Variants in EFNA5 observed in about 807,000 individuals in gnomAD.
EFNA5 encodes the protein ephrin A5.
Under a neutral mutation model 22.9 loss-of-function variants are expected in EFNA5, and 5 were observed. That is an observed-to-expected ratio of 0.22 (90% CI 0.11 to 0.46). The LOEUF (loss-of-function observed/expected upper bound fraction) is 0.46, where lower values mean the gene tolerates loss of function less well. Ranked by LOEUF, EFNA5 falls within the 20% of genes least tolerant of loss-of-function variation. EFNA5 has a pLI of 0.99. For missense variants in EFNA5, 237 were observed against 293.3 expected (o/e 0.81, Z 1.40); for synonymous variants, 113 against 112.2 (o/e 1.01, Z -0.04).
At chr5:107,503,959 T>C (rs1747196116) in intron 1 of EFNA5, among the ~76,000 whole-genome samples, 1 of 152,200 alleles carries the variant, frequency 6.6e-6, no homozygotes, top group South Asian at 2.1e-4. Context: ...ATTAGCTACC[T>C]TTAAACTAAT....
chr5:107,498,056 C>T (rs904673331), intron 1 of EFNA5, among the ~76,000 whole-genome samples: 1 of 152,192 alleles, frequency 6.6e-6, no homozygotes, highest in African/African-American at 2.4e-5. Context: ...GCTGGGATTA[C>T]AGACATGTGC....
intron 1 of EFNA5, among the ~76,000 whole-genome samples, chr5:107,482,849 T>G (rs1750516234): frequency 1.3e-5 from 1 of 78,092 alleles, no homozygotes; most frequent in African/African-American, 5.0e-5. Flanking sequence ...TCTCTCTCTC[T>G]CTCTCTCTCT....
chr5:107,554,877 T>A (rs1351655709), intron 1 of EFNA5, among the ~76,000 whole-genome samples: 1 of 152,160 alleles, frequency 6.6e-6, no homozygotes, highest in East Asian at 1.9e-4. Context: ...CTGCACATCT[T>A]TGGAGGGACA....
At chr5:107,438,535 G>T (rs941440202) in intron 1 of EFNA5, among the ~76,000 whole-genome samples, 3 of 152,196 alleles carry the variant, frequency 2.0e-5, no homozygotes, top group Non-Finnish European at 2.9e-5. Context: ...CAGCTAGACT[G>T]AGATATGTCC....
intron 1 of EFNA5, among the ~76,000 whole-genome samples, chr5:107,542,912 G>T (rs1374957337): frequency 2.0e-5 from 3 of 152,018 alleles, no homozygotes; most frequent in Admixed American, 6.6e-5. Context: ...TTTCTATCCG[G>T]AATCACTCGG....
intron 4 of EFNA5, among the ~76,000 whole-genome samples, chr5:107,383,274 G>A (rs1186941240): frequency 1.3e-5 from 2 of 152,180 alleles, no homozygotes; most frequent in African/African-American, 4.8e-5. Context: ...AAAAGGTTAG[G>A]AAGCAAGATG....
In EFNA5 at chr5:107,555,040, G is replaced by A. The variant is rs557145468; in HGVS notation, c.125+115449C>T. On this transcript the variant is annotated intron_variant, in intron 1 of 4. Transcript: ENST00000333274. ...CTGGAGCTGTGCCTCAGCAATTCTC[G>A]GTAACCTGGGCATTCTCACGGGTTC... Among the ~76,000 whole-genome samples the A allele has an allele frequency of 3.3e-5, 5 of 152,252 alleles. No homozygotes were observed. In the South Asian group the frequency reaches 6.2e-4, roughly 19 times the overall value.
intron 2 of EFNA5, among the ~76,000 whole-genome samples, chr5:107,416,486 T>C (rs1251251205): frequency 6.6e-6 from 1 of 152,176 alleles, no homozygotes; most frequent in Non-Finnish European, 1.5e-5. Flanking sequence ...ATATGATAGA[T>C]AATGATAGTA....
At chr5:107,487,272 T>A (rs147991101) in intron 1 of EFNA5, among the ~76,000 whole-genome samples, 1 of 152,132 alleles carries the variant, frequency 6.6e-6, no homozygotes, top group Non-Finnish European at 1.5e-5. Flanking sequence ...CTGGCAGGAT[T>A]CACTTCCTCT....
chr5:107,635,471 C>G (rs564505098), intron 1 of EFNA5, among the ~76,000 whole-genome samples: 1 of 152,096 alleles, frequency 6.6e-6, no homozygotes, highest in Admixed American at 6.6e-5. Context: ...AACATGCAAC[C>G]CATTAACTGC....
At chr5:107,452,350 G>T (rs775329088) in intron 1 of EFNA5, among the ~76,000 whole-genome samples, 13 of 152,008 alleles carry the variant, frequency 8.6e-5, no homozygotes, top group Non-Finnish European at 1.8e-4. Context: ...GAAAAAAAAA[G>T]TCAGACTTAT....
chr5:107,405,215 G>A (rs1341830385), intron 2 of EFNA5, among the ~76,000 whole-genome samples: 1 of 152,188 alleles, frequency 6.6e-6, no homozygotes, highest in East Asian at 1.9e-4. Flanking sequence ...GGCAGCCCTT[G>A]CCTGCTCCCA....
intron 2 of EFNA5, among the ~76,000 whole-genome samples, chr5:107,394,331 A>G (rs776699813): frequency 1.3e-5 from 2 of 152,226 alleles, no homozygotes; most frequent in Non-Finnish European, 2.9e-5. Context: ...AAATTTGGAA[A>G]GGAGGTCACT....
intron 1 of EFNA5, among the ~76,000 whole-genome samples, chr5:107,621,143 A>G (rs575670497): frequency 6.6e-5 from 10 of 152,364 alleles, no homozygotes; most frequent in Admixed American, 5.2e-4. Flanking sequence ...TCATATTCAC[A>G]CTTCTGAAAG....
At chr5:107,546,392 C>A (rs1296495592) in intron 1 of EFNA5, among the ~76,000 whole-genome samples, 1 of 152,164 alleles carries the variant, frequency 6.6e-6, no homozygotes, top group Non-Finnish European at 1.5e-5. Context: ...AATGTATGCA[C>A]CTTTCATAAG....
chr5:107,578,476 T>C (rs1166417120), intron 1 of EFNA5, among the ~76,000 whole-genome samples: 1 of 152,218 alleles, frequency 6.6e-6, no homozygotes, highest in Non-Finnish European at 1.5e-5. Flanking sequence ...TTCCCAGTTC[T>C]AATCAGTAGA....
chr5:107,402,099 C>G (rs575986614), intron 2 of EFNA5, among the ~76,000 whole-genome samples: 4 of 152,114 alleles, frequency 2.6e-5, no homozygotes, highest in African/African-American at 9.7e-5. Context: ...ATGGTTTCAC[C>G]GACAGGACTC....
At chr5:107,438,480 G>C (rs1300272811) in intron 1 of EFNA5, among the ~76,000 whole-genome samples, 1 of 152,168 alleles carries the variant, frequency 6.6e-6, no homozygotes, top group Non-Finnish European at 1.5e-5. Flanking sequence ...TGGAAATCCA[G>C]AGACTCCTTT....
chr5:107,421,768 A>G (rs2112414868), intron 2 of EFNA5, among the ~76,000 whole-genome samples: 1 of 151,336 alleles, frequency 6.6e-6, no homozygotes, highest in South Asian at 2.1e-4. Context: ...AATAGACCCC[A>G]GGACTTTATC....
Sources: gnomAD v4.1 joint callset for allele counts (sites outside exome capture counted in the v4.1 genomes callset) on GRCh38, gnomAD v4.1.1 for gene constraint, MANE v1.5 for transcripts, NCBI Gene and HGNC (gene_info 2026-07-23, HGNC 2026-07-21) for gene names.